Variants in CEP43 observed in about 807,000 individuals in gnomAD.
The protein encoded by CEP43 is centrosomal protein 43.
Under a neutral mutation model 52.6 loss-of-function variants are expected in CEP43, and 36 were observed. The ratio of observed to expected loss-of-function variants is 0.68; its 90% CI spans 0.52 to 0.90. The LOEUF is 0.90. Ranked by LOEUF, CEP43 falls within the 40% of genes least tolerant of loss-of-function variation. CEP43 has a pLI of 0.00. For missense variants in CEP43, 506 were observed against 472.8 expected (o/e 1.07, Z -0.65); for synonymous variants, 192 against 172.4 (o/e 1.11, Z -0.89).
At chr6:167,028,232 A>G (rs1259253442) in intron 10 of CEP43, 1 of 985,262 alleles carries the variant, frequency 1.0e-6, no homozygotes, top group Non-Finnish European at 1.2e-6. Flanking sequence ...TTCTCTTACC[A>G]AAGCGAGGGT....
At chr6:167,039,772 T>G in intron 12 of CEP43, 132 bp from the exon 13 acceptor site, 1 of 874,020 alleles carries the variant, frequency 1.1e-6, no homozygotes, top group Non-Finnish European at 1.8e-6. Flanking sequence ...TTTATATTAT[T>G]TTTTGATTTT....
At chr6:167,003,906 T>A (rs1779794358) in intron 4 of CEP43, 95 bp downstream of exon 4, 1 of 765,044 alleles carries the variant, frequency 1.3e-6, no homozygotes, top group Admixed American at 2.8e-5. Context: ...CAACTGATAG[T>A]TTTTTACATT....
chr6:167,029,179 A>G (rs1780415639), intron 10 of CEP43, among the ~76,000 whole-genome samples: 1 of 152,226 alleles, frequency 6.6e-6, no homozygotes, highest in Non-Finnish European at 1.5e-5. Context: ...GAAAGTAAGG[A>G]AAGCAGAAGG....
chr6:167,003,525 A>G, intron 3 of CEP43, 198 bp from the exon 4 acceptor site: 2 of 561,640 alleles, frequency 3.6e-6, no homozygotes, highest in South Asian at 2.5e-5. Context: ...ACAGTTAGTT[A>G]CAGACTGATG....
At chr6:167,026,057 A>G (rs1780348374) in intron 9 of CEP43, among the ~76,000 whole-genome samples, 1 of 152,182 alleles carries the variant, frequency 6.6e-6, no homozygotes, top group Non-Finnish European at 1.5e-5. Context: ...ATAAAGTAGT[A>G]TTGTTTATGG....
At chr6:167,036,136 C>T in intron 12 of CEP43, 2 of 985,290 alleles carry the variant, frequency 2.0e-6, no homozygotes, top group Non-Finnish European at 2.4e-6. Context: ...TAAAAAGTGA[C>T]AGGTGCCATA....
chr6:167,007,343 T>C (rs566313374), intron 5 of CEP43, among the ~76,000 whole-genome samples: 1 of 152,312 alleles, frequency 6.6e-6, no homozygotes, highest in East Asian at 1.9e-4. Flanking sequence ...GCCCTGACTT[T>C]TTCATAGCTG....
chr6:167,002,080 A>G (rs1447366120), intron 2 of CEP43, among the ~76,000 whole-genome samples: 1 of 152,154 alleles, frequency 6.6e-6, no homozygotes, highest in Non-Finnish European at 1.5e-5. Flanking sequence ...TAATATGTAC[A>G]ATTTGATTTT....
chr6:167,012,851 C>T lies in CEP43; in HGVS notation c.520-657C>T, dbSNP rs982092194. Among the ~76,000 whole-genome samples the T allele has an allele frequency of 4.6e-5, 7 of 152,146 alleles. No homozygotes were observed. The East Asian group carries it at 5.8e-4, about 13-fold the overall frequency. ...CTAACAGCTGTCTCTGCCGTCATCCCGTTATTCTAGTTTAGTCTCCGTTTC... is the reference window on the plus strand; with the variant it reads ...CTAACAGCTGTCTCTGCCGTCATCCTGTTATTCTAGTTTAGTCTCCGTTTC... On this transcript the variant is annotated intron_variant, in intron 6 of 12. Coordinates refer to ENST00000366847, the MANE Select transcript of CEP43 (RefSeq NM_007045.4).
chr6:167,041,837 C>A lies in CEP43; in HGVS notation c.*1859C>A. On this transcript the variant is annotated 3_prime_UTR_variant, in exon 13 of 13. Transcript: ENST00000366847. Reference sequence around the variant, plus strand: ...ACATACATCTTTTTTTTGCGGGGGGCGGGGGGGACAGAGTCTCACTGTGTC... The same window carrying A: ...ACATACATCTTTTTTTTGCGGGGGGAGGGGGGGACAGAGTCTCACTGTGTC... The A allele has an allele frequency of 5.1e-5, 2 of 39,136 alleles. No homozygotes were observed. The highest frequency in any genetic ancestry group is 7.3e-5 in the Non-Finnish European group (2 of 27,504). 2.4% of individuals were successfully genotyped at this position (39,136 alleles called of 1,614,324 possible).
intron 10 of CEP43, chr6:167,027,826 T>C (rs1440999213): frequency 1.0e-6 from 1 of 977,188 alleles, no homozygotes. Context: ...GCCTAGTAAA[T>C]GTTAGTTTTC....
rs575170618 is a variant in CEP43 at position 167,001,832 on chromosome 6, G to A, written c.157-1361G>A. Among the ~76,000 whole-genome samples, 9 of 152,046 alleles carry A rather than the reference G, an allele frequency of 5.9e-5. No individual in the cohort carries two copies. In the East Asian group the frequency reaches 1.2e-3, roughly 20 times the overall value. On this transcript the variant is annotated intron_variant, in intron 2 of 12. Coordinates refer to ENST00000366847, the MANE Select transcript of CEP43 (RefSeq NM_007045.4). Reference sequence around the variant, plus strand: ...ATCCCCTTCCTACTTGCCAGTCTCCGTTTCCGTGGTGTCCCTCACCATCTC... The same window carrying A: ...ATCCCCTTCCTACTTGCCAGTCTCCATTTCCGTGGTGTCCCTCACCATCTC...
chr6:167,003,917 T>C (rs555930535), intron 4 of CEP43, 106 bp downstream of exon 4: 6 of 746,780 alleles, frequency 8.0e-6, no homozygotes, highest in Non-Finnish European at 1.3e-5. Flanking sequence ...TTTTTACATT[T>C]AGATTATTTT....
chr6:167,020,908 CAAAAAAAAA>C (rs147460349), intron 7 of CEP43, among the ~76,000 whole-genome samples: 1 of 79,048 alleles, frequency 1.3e-5, no homozygotes, highest in African/African-American at 5.2e-5. Context: ...GACTCTGTCT[CAAAAAAAAA>C]AAAAAAAAAA....
intron 7 of CEP43, among the ~76,000 whole-genome samples, chr6:167,018,130 C>T (rs1345755924): frequency 6.6e-6 from 1 of 152,148 alleles, no homozygotes; most frequent in Admixed American, 6.5e-5. Context: ...TTCACATGGA[C>T]TTCTCCCTGT....
Position 167,040,840 on chromosome 6 carries a change from G to C in CEP43, c.*862G>C. ...CAAATTGGAATGAAATAGTAGTAAT[G>C]GCCTAAGACCATGTTCAGTTTGACA... On this transcript the variant is annotated 3_prime_UTR_variant, in exon 13 of 13. Transcript: ENST00000366847. 1 of 1,023,784 alleles carries C rather than the reference G, an allele frequency of 9.8e-7. No individual in the cohort carries two copies. The highest frequency in any genetic ancestry group is 1.2e-6 in the Non-Finnish European group (1 of 852,558). 63.4% of individuals were successfully genotyped at this position (1,023,784 alleles called of 1,614,324 possible). A position where few individuals can be genotyped will look rare whatever the true frequency, so the allele number is the denominator to read the frequency against.
rs764484631 is a variant in CEP43 at position 167,039,983 on chromosome 6, G to A, written c.*5G>A. The A allele has an allele frequency of 3.7e-6, 6 of 1,613,358 alleles. No homozygotes were observed. Among genetic ancestry groups the A allele is most frequent in the South Asian group, 2.2e-5 (2 of 91,052 alleles). Reference sequence around the variant, plus strand: ...TATCTGGAAGATGTTGCATAGACACGAAGAAGGAAGTATTCTAATTAACAA... The same window carrying A: ...TATCTGGAAGATGTTGCATAGACACAAAGAAGGAAGTATTCTAATTAACAA... On this transcript the variant is annotated 3_prime_UTR_variant, in exon 13 of 13. Transcript: ENST00000366847.
chr6:167,001,831 C>A (rs1473386007), intron 2 of CEP43, among the ~76,000 whole-genome samples: 1 of 152,090 alleles, frequency 6.6e-6, no homozygotes, highest in Non-Finnish European at 1.5e-5. Context: ...TGCCAGTCTC[C>A]GTTTCCGTGG....
intron 7 of CEP43, among the ~76,000 whole-genome samples, chr6:167,018,917 T>A (rs1439326584): frequency 6.6e-6 from 1 of 152,164 alleles, no homozygotes; most frequent in East Asian, 1.9e-4. Flanking sequence ...ACAGTTTGAT[T>A]TATGCTTTTT....
Sources: gnomAD v4.1 joint callset for allele counts (sites outside exome capture counted in the v4.1 genomes callset) on GRCh38, gnomAD v4.1.1 for gene constraint, MANE v1.5 for transcripts, NCBI Gene and HGNC (gene_info 2026-07-23, HGNC 2026-07-21) for gene names.